The following CLASP1 variants were observed in gnomAD, a reference collection of about 807,000 sequenced individuals.
CLASP1 encodes the protein cytoplasmic linker associated protein 1, also known as CLIP-associating protein 1.
A neutral mutation model predicts 192.3 loss-of-function variants in CLASP1; 38 were observed. The ratio of observed to expected loss-of-function variants is 0.20; its 90% CI spans 0.15 to 0.26. The LOEUF (loss-of-function observed/expected upper bound fraction) is 0.26. CLASP1 is among the 10% of genes least tolerant of loss of function. CLASP1 has a pLI of 1.00. For missense variants in CLASP1, 1,433 were observed against 1,932.5 expected, an observed-to-expected ratio of 0.74 and a Z score of 4.85; for synonymous variants, 691 against 712.8, an observed-to-expected ratio of 0.97 and a Z score of 0.49.
At chr2:121,624,716 C>T (rs1484071764) in intron 1 of CLASP1, among the ~76,000 whole-genome samples, 4 of 152,132 alleles carry the variant, frequency 2.6e-5, no homozygotes. Context: ...TGCGCCCAGC[C>T]CAGGGTTTTT....
At chr2:121,572,875 T>A (rs2060109510) in intron 2 of CLASP1, among the ~76,000 whole-genome samples, 1 of 152,028 alleles carries the variant, frequency 6.6e-6, no homozygotes, top group South Asian at 2.1e-4. Context: ...TTCTGACCAA[T>A]GAGAAAAGGG....
At chr2:121,643,853 G>A (rs2072612141) in intron 1 of CLASP1, among the ~76,000 whole-genome samples, 1 of 152,120 alleles carries the variant, frequency 6.6e-6, no homozygotes, top group Non-Finnish European at 1.5e-5. Context: ...CTCCACCTCT[G>A]GCTCATCTAA....
exon 9 of CLASP1, chr2:121,469,838 C>T: frequency 6.2e-7 from 1 of 1,613,456 alleles, no homozygotes; most frequent in South Asian, 1.1e-5. Context: ...GTGGATGAAC[C>T]AAGCCGGCGG....
chr2:121,531,258 T>C (rs1400170353), intron 2 of CLASP1, among the ~76,000 whole-genome samples: 1 of 152,128 alleles, frequency 6.6e-6, no homozygotes, highest in Admixed American at 6.5e-5. Flanking sequence ...TAGGTCAAGT[T>C]TCAATAGGAG....
chr2:121,604,163 T>C (rs569951981), intron 2 of CLASP1, among the ~76,000 whole-genome samples: 2 of 152,346 alleles, frequency 1.3e-5, no homozygotes, highest in Non-Finnish European at 2.9e-5. Flanking sequence ...AAAATATCAT[T>C]AGGTATCCCA....
chr2:121,618,043 G>A (rs1305920803), intron 1 of CLASP1, among the ~76,000 whole-genome samples: 1 of 152,168 alleles, frequency 6.6e-6, no homozygotes, highest in Non-Finnish European at 1.5e-5. Flanking sequence ...TAGCTCCTCA[G>A]AGACCCATTG....
At chr2:121,555,996 T>TG (rs1417772745) in intron 2 of CLASP1, among the ~76,000 whole-genome samples, 4 of 97,438 alleles carry the variant, frequency 4.1e-5, no homozygotes, top group African/African-American at 1.8e-4. Flanking sequence ...CGCTTTTTTT[T>TG]TTTTTTTTTT....
At chr2:121,485,642 T>C (rs928450288) in intron 8 of CLASP1, among the ~76,000 whole-genome samples, 10 of 152,018 alleles carry the variant, frequency 6.6e-5, no homozygotes, top group Non-Finnish European at 1.3e-4. Flanking sequence ...GGCGGGCGGA[T>C]CACTTGAGGT....
chr2:121,411,377 A>G (rs2077682396), intron 23 of CLASP1, among the ~76,000 whole-genome samples: 1 of 152,244 alleles, frequency 6.6e-6, no homozygotes, highest in Admixed American at 6.5e-5. Flanking sequence ...ATGTGTGGTA[A>G]AAGCTTAAAA....
chr2:121,443,738 A>G (rs544620267), intron 19 of CLASP1, among the ~76,000 whole-genome samples: 1 of 152,342 alleles, frequency 6.6e-6, no homozygotes, highest in African/African-American at 2.4e-5. Flanking sequence ...CAGCATCTTC[A>G]GGGTGAAGGA....
intron 37 of CLASP1, among the ~76,000 whole-genome samples, chr2:121,353,803 C>T (rs1457765621): frequency 6.6e-6 from 1 of 152,192 alleles, no homozygotes; most frequent in East Asian, 1.9e-4. Context: ...CACACACACA[C>T]ACACACAGAT....
In CLASP1 at chr2:121,628,414, A is replaced by G. The variant is rs140326153; in HGVS notation, c.-286+20958T>C. On this transcript the variant is annotated intron_variant, in intron 1 of 39. Transcript: ENST00000263710. ...ATTGAGGCCAGGCACGATGGCTTAC[A>G]CCTGTAATCCCAGCACTTTGGGAGC... Among the ~76,000 whole-genome samples the G allele has an allele frequency of 5.6e-3, 853 of 152,252 alleles. 1 individual carries two copies. The highest frequency in any genetic ancestry group is 9.5e-3 in the Non-Finnish European group (647 of 68,022).
In CLASP1 at chr2:121,381,022, T is replaced by TA. The variant is rs769414612; in HGVS notation, c.3491+1185dup. 1.3e-3 allele frequency among the ~76,000 whole-genome samples: 200 copies of TA among 151,738 alleles called. 2 individuals carry two copies. The highest frequency in any genetic ancestry group is 4.6e-3 in the African/African-American group (191 of 41,354). On this transcript the variant is annotated intron_variant, in intron 33 of 39. Transcript: ENST00000263710. ...TTACACTTGGAGGCACAGCTAACCT[T>TA]AAAAAAAAGAAAAAGGAGTGACCTG...
chr2:121,426,772 G>C (rs1004767489), intron 21 of CLASP1, among the ~76,000 whole-genome samples: 2 of 152,064 alleles, frequency 1.3e-5, no homozygotes, highest in Non-Finnish European at 1.5e-5. Context: ...TAAGTAGCTA[G>C]ATACATATAT....
intron 6 of CLASP1, among the ~76,000 whole-genome samples, chr2:121,519,916 G>A (rs1246334180): frequency 6.6e-6 from 1 of 152,180 alleles, no homozygotes; most frequent in East Asian, 1.9e-4. Flanking sequence ...GCTCTCACTG[G>A]TCTCGCACTG....
rs186447983 is a variant in CLASP1, at chr2:121,530,966, C to A, written c.196-641G>T. 16 of 700,294 alleles carry A rather than the reference C, an allele frequency of 2.3e-5. No homozygotes were observed. Among genetic ancestry groups the A allele is most frequent in the Non-Finnish European group, 3.6e-5 (14 of 384,824 alleles). The allele number at this position is 700,294 out of a possible 1,614,324, so 43.4% of individuals were successfully genotyped here. A position where few individuals can be genotyped will look rare whatever the true frequency, so the allele number is the denominator to read the frequency against. ...TAACGCCTGAACAACACACCCGCAT[C>A]AACTAGAGCTTTTGCTTTATTTTGG... On this transcript the variant is annotated intron_variant, in intron 2 of 39. Transcript: ENST00000263710.
intron 19 of CLASP1, among the ~76,000 whole-genome samples, chr2:121,438,193 C>G (rs1261126764): frequency 2.6e-5 from 4 of 152,132 alleles, no homozygotes; most frequent in Non-Finnish European, 5.9e-5. Context: ...AATGTTTGTT[C>G]CTGGCAGGCA....
rs532609679 is a variant in CLASP1 at position 121,421,373 on chromosome 2, G to A, written c.2213-2644C>T. On this transcript the variant is annotated intron_variant, in intron 22 of 39. Transcript: ENST00000263710. ...TGGGTTCAAGTGATTCTCGTCCCAC[G>A]AGTAGCTGGGATTACAGGTGCACAC... is the stretch of plus-strand genomic sequence containing the variant. Among the ~76,000 whole-genome samples, 235 of 151,396 alleles carry A rather than the reference G, an allele frequency of 1.6e-3. 1 individual carries two copies. The highest frequency in any genetic ancestry group is 5.6e-3 in the South Asian group (27 of 4,782).
intron 2 of CLASP1, among the ~76,000 whole-genome samples, chr2:121,535,086 T>C (rs1369779331): frequency 6.6e-6 from 1 of 152,164 alleles, no homozygotes; most frequent in African/African-American, 2.4e-5. Context: ...AAGACTAGCC[T>C]GGGCAACGTG....
Sources: gnomAD v4.1 joint callset for allele counts (sites outside exome capture counted in the v4.1 genomes callset) on GRCh38, gnomAD v4.1.1 for gene constraint, MANE v1.5 for transcripts, NCBI Gene and HGNC (gene_info 2026-07-23, HGNC 2026-07-21) for gene names.